ANGEL1: variants seen among roughly 807,000 people sequenced by gnomAD.
ANGEL1 encodes the protein angel homolog 1.
ANGEL1 carries 62 observed loss-of-function variants against 76.4 expected under a neutral mutation model. The ratio of observed to expected loss-of-function variants is 0.81; its 90% confidence interval spans 0.66 to 1.00. The LOEUF (loss-of-function observed/expected upper bound fraction) is 1.00, where lower values mean the gene tolerates loss of function less well. Among genes scored for constraint, ANGEL1 ranks in the 50% least tolerant of loss-of-function variants. ANGEL1 has a pLI of 0.00. For missense variants in ANGEL1, 737 were observed against 836.7 expected (o/e 0.88, Z 1.47); for synonymous variants, 340 against 331.7 (o/e 1.03, Z -0.27).
Position 76,812,691 on chromosome 14 carries a change from G to A in ANGEL1, c.64+73C>T, listed in dbSNP as rs1895125007. 6 of 1,420,520 alleles carry A rather than the reference G, an allele frequency of 4.2e-6. No homozygotes were observed. The South Asian group carries it at 7.2e-5, about 17-fold the overall frequency. 88.0% of individuals were successfully genotyped at this position (1,420,520 alleles called of 1,614,324 possible). On this transcript the variant is annotated intron_variant, in intron 1 of 9. Transcript: ENST00000251089. Reference sequence around the variant, plus strand: ...CGTGAGGCCCGGCCAACCGCACGCCGCCCCAGGCCCGCGGAGCCCCGCAGA... The same window carrying A: ...CGTGAGGCCCGGCCAACCGCACGCCACCCCAGGCCCGCGGAGCCCCGCAGA...
At chr14:76,800,000 G>T (rs1271613412) in intron 7 of ANGEL1, among the ~76,000 whole-genome samples, 2 of 152,002 alleles carry the variant, frequency 1.3e-5, no homozygotes, top group African/African-American at 4.8e-5. Flanking sequence ...TACATTCAAA[G>T]TATGTGGAGA....
intron 7 of ANGEL1, among the ~76,000 whole-genome samples, chr14:76,798,847 C>G (rs2140217864): frequency 6.7e-6 from 1 of 150,346 alleles, no homozygotes; most frequent in East Asian, 2.0e-4. Flanking sequence ...ACTGGGGAGG[C>G]TGAGGCACGA....
At chr14:76,790,558 T>C (rs1894373450) in intron 9 of ANGEL1, 53 bp downstream of exon 9, 1 of 1,564,202 alleles carries the variant, frequency 6.4e-7, no homozygotes, top group Non-Finnish European at 8.7e-7. Flanking sequence ...GACCTACCAT[T>C]AGCTGTTCCC....
intron 7 of ANGEL1, among the ~76,000 whole-genome samples, chr14:76,795,505 A>G (rs948452129): frequency 3.9e-5 from 6 of 152,182 alleles, no homozygotes; most frequent in African/African-American, 1.2e-4. Flanking sequence ...TGTCAATATT[A>G]TACTTGTTTC....
chr14:76,798,858 G>A (rs1307347657), intron 7 of ANGEL1, among the ~76,000 whole-genome samples: 1 of 147,682 alleles, frequency 6.8e-6, no homozygotes, highest in Non-Finnish European at 1.5e-5. Flanking sequence ...TGAGGCACGA[G>A]AATTGCCTGA....
At chr14:76,795,151 A>C (rs1347614111) in intron 7 of ANGEL1, among the ~76,000 whole-genome samples, 1 of 152,174 alleles carries the variant, frequency 6.6e-6, no homozygotes. Flanking sequence ...TCAATGGTGT[A>C]GGAAATTATC....
At chr14:76,803,762 A>G (rs560925152) in intron 6 of ANGEL1, 24 bp downstream of exon 6, 11 of 1,582,458 alleles carry the variant, frequency 7.0e-6, no homozygotes, top group Non-Finnish European at 9.5e-6. Context: ...GACACAGCCA[A>G]CCAAGAATGT....
In ANGEL1 at chr14:76,803,767, G is replaced by A. The variant is rs932760864; in HGVS notation, c.1507+19C>T. The A allele has an allele frequency of 6.3e-7, 1 of 1,585,046 alleles. No homozygotes were observed. The highest frequency in any genetic ancestry group is 8.6e-7 in the Non-Finnish European group (1 of 1,164,318). On this transcript the variant is annotated intron_variant, in intron 6 of 9. Transcript: ENST00000251089. ...TGGGCATGAAGACACAGCCAACCAAGAATGTGACATGTGCTCACCTGATCT... is the reference window on the plus strand; with the variant it reads ...TGGGCATGAAGACACAGCCAACCAAAAATGTGACATGTGCTCACCTGATCT...
chr14:76,803,918 T>A lies in ANGEL1; in HGVS notation c.1381-6A>T, dbSNP rs1894839188. The A allele has an allele frequency of 6.2e-7, 1 of 1,613,792 alleles. No individual in the cohort carries two copies. Among genetic ancestry groups the A allele is most frequent in the Non-Finnish European group, 8.5e-7 (1 of 1,179,946 alleles). ...AAGTCTTCCTGTCCAGATACCTGGG[T>A]GGAAAAAGAAGGGTGGGAATAAGGA... On this transcript the variant is annotated splice_polypyrimidine_tract_variant and splice_region_variant and intron_variant, in intron 5 of 9. Coordinates refer to ENST00000251089, the MANE Select transcript of ANGEL1 (RefSeq NM_015305.4).
Position 76,790,765 on chromosome 14 carries a change from A to G in ANGEL1, c.1698T>C (p.Gly566=). 1 of 1,612,656 alleles carries G rather than the reference A, an allele frequency of 6.2e-7. No individual in the cohort carries two copies. Residue 566 remains glycine (G), a synonymous_variant, in exon 9 of 10, where the codon GGT becomes GGC. Coordinates refer to ENST00000251089, the MANE Select transcript of ANGEL1 (RefSeq NM_015305.4). ...ELEPAFSRTV[G]TIQHCLHLTS... ...TCAGGTGGAGGCAGTGCTGGATGGT[A>G]CCTACAGTCCTACAGGGATGAAGGG...
At chr14:76,798,361 A>G (rs890010567) in intron 7 of ANGEL1, among the ~76,000 whole-genome samples, 2 of 151,950 alleles carry the variant, frequency 1.3e-5, no homozygotes, top group African/African-American at 4.8e-5. Context: ...TCCTGGCCTC[A>G]AGTAATCCTT....
chr14:76,804,238 C>T, intron 5 of ANGEL1: 1 of 1,379,956 alleles, frequency 7.2e-7, no homozygotes, highest in Non-Finnish European at 9.3e-7. Flanking sequence ...GGAATATCAA[C>T]TCTCAGGGGC....
In ANGEL1 at chr14:76,786,833, G is replaced by A. The variant is rs1894274035; in HGVS notation, c.*2395C>T. 1 of 152,286 alleles carries A rather than the reference G, an allele frequency of 6.6e-6. No homozygotes were observed. The allele number at this position is 152,286 out of a possible 1,614,324, so 9.4% of individuals were successfully genotyped here. Reference sequence around the variant, plus strand: ...ATGTGCCACCCGCATCATGTCTCATGCAGCTGCCATAGCTTTAATCAGGAA... The same window carrying A: ...ATGTGCCACCCGCATCATGTCTCATACAGCTGCCATAGCTTTAATCAGGAA... On this transcript the variant is annotated 3_prime_UTR_variant, in exon 10 of 10. Coordinates refer to ENST00000251089, the MANE Select transcript of ANGEL1 (RefSeq NM_015305.4).
intron 7 of ANGEL1, among the ~76,000 whole-genome samples, chr14:76,794,460 A>G (rs1026424152): frequency 3.3e-5 from 5 of 152,130 alleles, no homozygotes; most frequent in Non-Finnish European, 7.4e-5. Flanking sequence ...TCATGAGGTC[A>G]GGAGATCGAG....
chr14:76,802,910 C>T (rs532864430), intron 7 of ANGEL1, among the ~76,000 whole-genome samples: 3 of 152,250 alleles, frequency 2.0e-5, no homozygotes, highest in South Asian at 2.1e-4. Flanking sequence ...TTTTTCCATT[C>T]TCCTTGTTGC....
At position 76,789,202 on chromosome 14, in the gene ANGEL1, G is replaced by T. The variant is rs768678350; in HGVS notation, c.*26C>A. ...TGATCCAGTGAGCTCTTCTGGAAGA[G>T]AAGCTCTCTTCCCCTGGGAGCCCTG... On this transcript the variant is annotated 3_prime_UTR_variant, in exon 10 of 10. Transcript: ENST00000251089. 14 of 1,612,902 alleles carry T rather than the reference G, an allele frequency of 8.7e-6. No individual in the cohort carries two copies. The highest frequency in any genetic ancestry group is 1.2e-5 in the Non-Finnish European group (14 of 1,179,578).
chr14:76,812,784 C>T lies in ANGEL1; in HGVS notation c.44G>A (p.Arg15His), dbSNP rs772449890. The T allele has an allele frequency of 2.2e-5, 34 of 1,522,022 alleles. No individual in the cohort carries two copies. In the East Asian group the frequency reaches 8.7e-4, roughly 39 times the overall value. 94.3% of individuals were successfully genotyped at this position (1,522,022 alleles called of 1,614,324 possible). A position where few individuals can be genotyped will look rare whatever the true frequency, so the allele number is the denominator to read the frequency against. Reference protein sequence around the residue: ...CLCYLLLPATRLFRALSDAFF... With the variant: ...CLCYLLLPATHLFRALSDAFF... Reference sequence around the variant, plus strand: ...GGTACCTGAGAGGGCGCGGAAGAGGCGCGTGGCCGGCAGCAGCAGGTAACA... The same window carrying T: ...GGTACCTGAGAGGGCGCGGAAGAGGTGCGTGGCCGGCAGCAGCAGGTAACA... The change falls in exon 1 of 10, where the codon CGC becomes CAC. Residue 15 changes from arginine (R) to histidine (H), a missense_variant. Arg to His is a conservative substitution (Grantham distance 29). Transcript: ENST00000251089.
rs749469287 is a variant in ANGEL1 at position 76,807,903 on chromosome 14, A to G, written c.876+19T>C. ...GGTCCAGCAACAATGCAAGATGGCA[A>G]TTCCCCCTCTTCACTCACATCAGGG... On this transcript the variant is annotated intron_variant, in intron 3 of 9. Coordinates refer to ENST00000251089, the MANE Select transcript of ANGEL1 (RefSeq NM_015305.4). 6 of 1,612,560 alleles carry G rather than the reference A, an allele frequency of 3.7e-6. No individual in the cohort carries two copies. Among genetic ancestry groups the G allele is most frequent in the Admixed American group, 3.3e-5 (2 of 60,024 alleles).
chr14:76,802,510 C>T (rs1894796287), intron 7 of ANGEL1, among the ~76,000 whole-genome samples: 1 of 152,070 alleles, frequency 6.6e-6, no homozygotes, highest in African/African-American at 2.4e-5. Flanking sequence ...TCTCCCAAGC[C>T]AAAAGAGATA....
Sources: allele counts gnomAD v4.1 joint callset (sites outside exome capture counted in the v4.1 genomes callset), GRCh38; gene constraint gnomAD v4.1.1; transcripts MANE v1.5; gene names NCBI Gene and HGNC (gene_info 2026-07-23, HGNC 2026-07-21).